The following DTNA variants were observed in gnomAD, a reference collection of about 807,000 sequenced individuals.
DTNA encodes dystrobrevin alpha, also known as dystrophin-related protein 3.
DTNA carries 43 observed loss-of-function variants against 100.7 expected under a neutral mutation model. The ratio of observed to expected loss-of-function variants is 0.43; its 90% CI spans 0.33 to 0.55. The LOEUF (loss-of-function observed/expected upper bound fraction) is 0.55. Among genes scored for constraint, DTNA ranks in the 20% least tolerant of loss-of-function variants. DTNA has a pLI of 0.04. For missense variants in DTNA, 798 were observed against 953.9 expected, an observed-to-expected ratio of 0.84 and a Z score of 2.15; for synonymous variants, 349 against 347.9, an observed-to-expected ratio of 1.00 and a Z score of -0.04.
Position 34,750,347 on chromosome 18 carries a change from A to G in DTNA, c.-1-5629A>G, listed in dbSNP as rs79334820. Among the ~76,000 whole-genome samples, 1,120 of 152,320 alleles carry G rather than the reference A, an allele frequency of 7.4e-3. 12 individuals carry two copies. The highest frequency in any genetic ancestry group is 0.026 in the African/African-American group (1,064 of 41,572). ...TTCCAGTGTAACAATGTCCTAAAAT[A>G]GGAGGATTCCTTTAAGAAATAATAC... is the stretch of plus-strand genomic sequence containing the variant. On this transcript the variant is annotated intron_variant, in intron 1 of 22. Coordinates refer to ENST00000444659, the MANE Select transcript of DTNA (RefSeq NM_001386795.1).
chr18:34,499,311 A>G (rs1020375783), intron 1 of DTNA, among the ~76,000 whole-genome samples: 28 of 152,200 alleles, frequency 1.8e-4, no homozygotes, highest in African/African-American at 6.3e-4. Flanking sequence ...GAATGTCCCA[A>G]TAGCTTACTG....
intron 1 of DTNA, among the ~76,000 whole-genome samples, chr18:34,703,113 C>A (rs1267939114): frequency 6.6e-6 from 1 of 152,174 alleles, no homozygotes; most frequent in Non-Finnish European, 1.5e-5. Context: ...TAGGAAAGCT[C>A]AACCGCAGGA....
At chr18:34,885,521 A>G (rs1484996554) in intron 22 of DTNA, among the ~76,000 whole-genome samples, 2 of 152,180 alleles carry the variant, frequency 1.3e-5, no homozygotes, top group Admixed American at 6.5e-5. Context: ...CATTTCAAAT[A>G]CGGGTTTCAC....
intron 3 of DTNA, among the ~76,000 whole-genome samples, chr18:34,780,598 A>G (rs148510228): frequency 1.4e-4 from 22 of 152,368 alleles, no homozygotes; most frequent in African/African-American, 5.3e-4. Flanking sequence ...AGTGAGAAAA[A>G]TTTATGTAAC....
At chr18:34,618,513 A>G (rs1292745855) in intron 1 of DTNA, among the ~76,000 whole-genome samples, 1 of 152,026 alleles carries the variant, frequency 6.6e-6, no homozygotes, top group East Asian at 1.9e-4. Flanking sequence ...TAATTCTGTG[A>G]CTCACTTTAC....
intron 1 of DTNA, 104 bp from the exon 2 acceptor site, chr18:34,755,872 T>C (rs2092732937): frequency 2.0e-6 from 2 of 979,556 alleles, no homozygotes; most frequent in East Asian, 2.6e-5. Flanking sequence ...AAATAGGTTT[T>C]CTATGTGTTT....
intron 15 of DTNA, among the ~76,000 whole-genome samples, chr18:34,857,094 C>T (rs925777217): frequency 1.3e-5 from 2 of 152,150 alleles, no homozygotes; most frequent in Non-Finnish European, 2.9e-5. Flanking sequence ...CAGCAGCACC[C>T]GACCCCTTAA....
intron 6 of DTNA, among the ~76,000 whole-genome samples, chr18:34,814,374 T>C (rs902800694): frequency 5.3e-5 from 8 of 150,852 alleles, no homozygotes; most frequent in Non-Finnish European, 1.0e-4. Context: ...ATAATAGGAC[T>C]GGGTTTTAAA....
intron 1 of DTNA, among the ~76,000 whole-genome samples, chr18:34,605,490 G>T (rs1482966473): frequency 6.6e-6 from 1 of 152,130 alleles, no homozygotes; most frequent in African/African-American, 2.4e-5. Flanking sequence ...CATTACTCCA[G>T]GCTTTCTGCC....
chr18:34,688,071 C>T (rs1380362832), intron 1 of DTNA, among the ~76,000 whole-genome samples: 1 of 152,092 alleles, frequency 6.6e-6, no homozygotes, highest in Non-Finnish European at 1.5e-5. Flanking sequence ...ATATAGCACA[C>T]TGATGGATCT....
rs151234547 is a variant in DTNA, at chr18:34,569,776, T to C, written c.-2+76262T>C. Among the ~76,000 whole-genome samples the C allele has an allele frequency of 5.4e-3, 817 of 152,156 alleles. 20 individuals carry two copies. Among genetic ancestry groups the C allele is most frequent in the Admixed American group, 0.048 (735 of 15,258 alleles). ...CTTGGTTGGGGGAAGTCAATCTTTG[T>C]TCTATTAAGGCCTTTAGCTGATGGG... On this transcript the variant is annotated intron_variant, in intron 1 of 19. Coordinates refer to the DTNA transcript ENST00000283365.
At chr18:34,758,308 G>GA (rs767891323) in intron 2 of DTNA, among the ~76,000 whole-genome samples, 24 of 152,020 alleles carry the variant, frequency 1.6e-4, no homozygotes, top group Admixed American at 1.4e-3. Context: ...AATATTTAAA[G>GA]AAAAAACAAC....
chr18:34,681,410 C>G (rs2078085193), intron 1 of DTNA, among the ~76,000 whole-genome samples: 1 of 152,000 alleles, frequency 6.6e-6, no homozygotes, highest in African/African-American at 2.4e-5. Flanking sequence ...AAGTGTATAT[C>G]TCAATGAATT....
chr18:34,774,904 T>A (rs1404706460), intron 3 of DTNA, among the ~76,000 whole-genome samples: 1 of 152,228 alleles, frequency 6.6e-6, no homozygotes, highest in Non-Finnish European at 1.5e-5. Flanking sequence ...CCAGATTGAA[T>A]CAATCATAAA....
rs1197608635 is a variant in DTNA at position 34,810,475 on chromosome 18, T to TA, written c.449-1472dup. On this transcript the variant is annotated intron_variant, in intron 5 of 22. Coordinates refer to ENST00000444659, the MANE Select transcript of DTNA (RefSeq NM_001386795.1). Reference sequence around the variant, plus strand: ...CATGTTCTCACTCATATGTGGGAGCTAAAAAAAAAAAACTGAACTCATGGA... The same window carrying TA: ...CATGTTCTCACTCATATGTGGGAGCTAAAAAAAAAAAAACTGAACTCATGGA... Among the ~76,000 whole-genome samples the TA allele has an allele frequency of 6.4e-3, 840 of 131,628 alleles. 1 individual carries two copies. Among genetic ancestry groups the TA allele is most frequent in the Middle Eastern group, 8.1e-3 (2 of 248 alleles). 86.4% of individuals were successfully genotyped at this position (131,628 alleles called of 152,430 possible).
chr18:34,620,480 T>G (rs2056268705), intron 1 of DTNA, among the ~76,000 whole-genome samples: 1 of 152,202 alleles, frequency 6.6e-6, no homozygotes, highest in South Asian at 2.1e-4. Flanking sequence ...ACTCATCGTA[T>G]TAGTTTATTC....
intron 3 of DTNA, among the ~76,000 whole-genome samples, chr18:34,770,125 G>A (rs930234115): frequency 3.2e-4 from 48 of 152,200 alleles, no homozygotes; most frequent in African/African-American, 1.1e-3. Flanking sequence ...CGCATTAAGG[G>A]ATTAAGTTTC....
At chr18:34,535,432 T>A (rs1407867544) in intron 1 of DTNA, among the ~76,000 whole-genome samples, 1 of 152,122 alleles carries the variant, frequency 6.6e-6, no homozygotes, top group Non-Finnish European at 1.5e-5. Context: ...TTTTCTCCCA[T>A]TCTGTAGGCT....
intron 1 of DTNA, among the ~76,000 whole-genome samples, chr18:34,598,928 A>T (rs2051211944): frequency 6.6e-6 from 1 of 152,222 alleles, no homozygotes; most frequent in Non-Finnish European, 1.5e-5. Flanking sequence ...GCCTATGCTA[A>T]GCAAAGAAAA....
Sources: gnomAD v4.1 joint callset for allele counts (sites outside exome capture counted in the v4.1 genomes callset) on GRCh38, gnomAD v4.1.1 for gene constraint, MANE v1.5 for transcripts, NCBI Gene and HGNC (gene_info 2026-07-23, HGNC 2026-07-21) for gene names.